The following CS variants were observed in gnomAD, a reference collection of about 807,000 sequenced individuals.
CS encodes the protein citrate synthase.
Under a neutral mutation model 61.4 loss-of-function variants are expected in CS, and 13 were observed. That is an observed-to-expected ratio of 0.21 (90% CI 0.14 to 0.34). CS has a LOEUF of 0.34. Among genes scored for constraint, CS ranks in the 10% least tolerant of loss-of-function variants. The pLI is 1.00. For missense variants in CS, 278 were observed against 573.4 expected, an observed-to-expected ratio of 0.48 and a Z score of 5.26; for synonymous variants, 159 against 215.2, an observed-to-expected ratio of 0.74 and a Z score of 2.29.
chr12:56,282,317 C>A, intron 6 of CS, 103 bp downstream of exon 6: 1 of 951,904 alleles, frequency 1.1e-6, no homozygotes, highest in Non-Finnish European at 1.5e-6. Flanking sequence ...TTCTGATTAA[C>A]TCAGAGGTAA....
intron 6 of CS, among the ~76,000 whole-genome samples, 181 bp from the exon 7 acceptor site, chr12:56,276,376 G>A (rs776325934): frequency 1.3e-5 from 2 of 152,142 alleles, no homozygotes; most frequent in Non-Finnish European, 2.9e-5. Context: ...CCATTTCACT[G>A]AATAACTATT....
At chr12:56,285,233 A>T in intron 3 of CS, 1 of 446,814 alleles carries the variant, frequency 2.2e-6, no homozygotes, top group South Asian at 1.6e-5. Flanking sequence ...GGCATGAGCC[A>T]CTGCAACAGG....
intron 5 of CS, 125 bp downstream of exon 5, chr12:56,282,735 C>A: frequency 6.5e-7 from 1 of 1,528,000 alleles, no homozygotes; most frequent in African/African-American, 1.4e-5. Flanking sequence ...TACAGCAGAA[C>A]TCTGCTGATT....
At position 56,300,167 on chromosome 12, in the gene CS, C is replaced by A; in HGVS notation, c.35G>T (p.Gly12Val). Residue 12 changes from glycine to valine, a missense_variant, in exon 1 of 11, where the codon GGA (glycine) becomes GTA (valine). Transcript: ENST00000351328. ...CCTCCCCTCGCTGCTCACCTTGGTTCCCAAGAGCCGGGCGGCCGCAGTAAG... is the reference window on the plus strand; with the variant it reads ...CCTCCCCTCGCTGCTCACCTTGGTTACCAAGAGCCGGGCGGCCGCAGTAAG... ...ALLTAAARLL[G>V]TKNASCLVLA... 19 of 1,569,652 alleles carry A rather than the reference C, an allele frequency of 1.2e-5. No individual in the cohort carries two copies. The highest frequency in any genetic ancestry group is 1.6e-5 in the Non-Finnish European group (18 of 1,158,698).
chr12:56,283,263 A>G (rs968518952), intron 4 of CS, among the ~76,000 whole-genome samples: 5 of 151,854 alleles, frequency 3.3e-5, no homozygotes, highest in Non-Finnish European at 7.4e-5. Flanking sequence ...TTTTTTTTTG[A>G]GACGGAGTCT....
At chr12:56,287,748 G>A (rs1565622444) in intron 1 of CS, among the ~76,000 whole-genome samples, 22 of 152,084 alleles carry the variant, frequency 1.4e-4, no homozygotes. Flanking sequence ...TCAGCCTTCT[G>A]GATTCAAGTG....
chr12:56,280,696 C>T (rs972099655), intron 6 of CS, among the ~76,000 whole-genome samples: 3 of 151,704 alleles, frequency 2.0e-5, no homozygotes, highest in Non-Finnish European at 4.4e-5. Flanking sequence ...CTGGGTGACA[C>T]AGCGAGACTC....
chr12:56,275,262 C>A, intron 7 of CS, 131 bp from the exon 8 acceptor site: 1 of 1,068,150 alleles, frequency 9.4e-7, no homozygotes, highest in South Asian at 1.5e-5. Flanking sequence ...GTCAGTTATA[C>A]CTAAACTCTT....
chr12:56,298,501 A>G (rs1177329830), intron 1 of CS: 4 of 328,616 alleles, frequency 1.2e-5, no homozygotes, highest in Non-Finnish European at 1.7e-5. Flanking sequence ...CTGCAGGGTT[A>G]GACTATCTGG....
chr12:56,299,466 T>C (rs1243201772), intron 1 of CS, among the ~76,000 whole-genome samples: 1 of 152,198 alleles, frequency 6.6e-6, no homozygotes, highest in Non-Finnish European at 1.5e-5. Flanking sequence ...TCTTCATTTA[T>C]TGGCTTGCAG....
In CS at chr12:56,276,199, A is replaced by C; in HGVS notation, c.589-4T>G. 1 of 1,613,756 alleles carries C rather than the reference A, an allele frequency of 6.2e-7. No homozygotes were observed. The highest frequency in any genetic ancestry group is 8.5e-7 in the Non-Finnish European group (1 of 1,179,750). Reference sequence around the variant, plus strand: ...CCATAGAGTCTTCATAAATCAACTGACAGAAGAGGAGCAAGATGGAGAAAA... The same window carrying C: ...CCATAGAGTCTTCATAAATCAACTGCCAGAAGAGGAGCAAGATGGAGAAAA... On this transcript the variant is annotated splice_polypyrimidine_tract_variant and splice_region_variant and intron_variant, in intron 6 of 10. Transcript: ENST00000351328.
chr12:56,284,057 ACACCTGTAATCCCAG>A (rs1349651803), intron 3 of CS, among the ~76,000 whole-genome samples, 200 bp from the exon 4 acceptor site: 2 of 152,028 alleles, frequency 1.3e-5, no homozygotes, highest in African/African-American at 4.8e-5. Flanking sequence ...ACAGTGGCTG[ACACCTGTAATCCCAG>A]CACTTTGGGA....
intron 6 of CS, among the ~76,000 whole-genome samples, chr12:56,282,146 T>C (rs952723936): frequency 9.2e-5 from 14 of 152,198 alleles, no homozygotes; most frequent in Non-Finnish European, 1.8e-4. Flanking sequence ...CATGAGCCAC[T>C]GTGCCCGGCC....
Position 56,276,039 on chromosome 12 carries a change from G to A in CS, c.745C>T (p.His249Tyr), listed in dbSNP as rs1385957071. 2.5e-6 allele frequency: 4 copies of A among 1,614,156 alleles called. No homozygotes were observed. The highest frequency in any genetic ancestry group is 1.6e-4 in the Middle Eastern group (1 of 6,062). The change falls in exon 7 of 11, where the codon CAT becomes TAT. Residue 249 changes from histidine (H) to tyrosine (Y), a missense_variant. His to Tyr is a moderately conservative substitution (Grantham distance 83). Transcript: ENST00000351328. ...AGGCGCGTGAGCTCAGTGAACTGAT[G>A]ATCAGTATAGCCTAACATGTTGGTG... ...NFTNMLGYTD[H>Y]QFTELTRLYL...
chr12:56,273,314 C>G, intron 10 of CS, 60 bp from the exon 11 acceptor site: 1 of 1,527,812 alleles, frequency 6.5e-7, no homozygotes. Context: ...TGTACAAGTC[C>G]TAGGTGATAG....
Position 56,279,927 on chromosome 12 carries a change from C to T in CS, c.588+2493G>A, listed in dbSNP as rs183055615. On this transcript the variant is annotated intron_variant, in intron 6 of 10. Coordinates refer to ENST00000351328, the MANE Select transcript of CS (RefSeq NM_004077.3). ...AGGTTGTGGTGAGCTGAGATTGTGT[C>T]ACTGCACTCCAGCCTGGGCAACAGA... is the stretch of plus-strand genomic sequence containing the variant. 2.4e-3 allele frequency among the ~76,000 whole-genome samples: 366 copies of T among 151,898 alleles called. 1 individual carries two copies. The highest frequency in any genetic ancestry group is 4.1e-3 in the Admixed American group (63 of 15,258).
intron 1 of CS, among the ~76,000 whole-genome samples, chr12:56,297,564 G>A (rs975730916): frequency 2.6e-5 from 4 of 152,112 alleles, no homozygotes; most frequent in African/African-American, 7.2e-5. Flanking sequence ...TTAGCTGGGC[G>A]TGGTGGTGCA....
At chr12:56,276,907 G>A (rs1191074498) in intron 6 of CS, among the ~76,000 whole-genome samples, 3 of 152,082 alleles carry the variant, frequency 2.0e-5, no homozygotes, top group Non-Finnish European at 4.4e-5. Context: ...TGTTAAGACA[G>A]CAGGTTTTAC....
intron 6 of CS, among the ~76,000 whole-genome samples, chr12:56,282,159 C>G (rs959795367): frequency 2.6e-5 from 4 of 152,118 alleles, no homozygotes; most frequent in Non-Finnish European, 5.9e-5. Context: ...GCCCGGCCGA[C>G]TATGGAATTT....
Sources: allele counts gnomAD v4.1 joint callset (sites outside exome capture counted in the v4.1 genomes callset), GRCh38; gene constraint gnomAD v4.1.1; transcripts MANE v1.5; gene names NCBI Gene and HGNC (gene_info 2026-07-23, HGNC 2026-07-21).